The following RIN2 variants were observed in gnomAD, a reference collection of about 807,000 sequenced individuals.
RIN2 encodes the protein RAB5 interacting protein 2.
A neutral mutation model predicts 78.0 loss-of-function variants in RIN2; 36 were observed. The observed-to-expected ratio is 0.46, with a 90% confidence interval of 0.35 to 0.61. The LOEUF is 0.61. Ranked by LOEUF, RIN2 falls within the 20% of genes least tolerant of loss-of-function variation. The pLI, the probability that RIN2 is intolerant of heterozygous loss-of-function variation, is 0.00. For missense variants in RIN2, 1,087 were observed against 1,159.7 expected, an observed-to-expected ratio of 0.94 and a Z score of 0.91; for synonymous variants, 466 against 466.8, an observed-to-expected ratio of 1.00 and a Z score of 0.02.
In RIN2 at chr20:19,960,675, C is replaced by T. The variant is rs762275270; in HGVS notation, c.352-25C>T. The T allele has an allele frequency of 2.0e-6, 3 of 1,485,542 alleles. No individual in the cohort carries two copies. The Admixed American group carries it at 5.8e-5, about 29-fold the overall frequency. 92.0% of individuals were successfully genotyped at this position (1,485,542 alleles called of 1,614,324 possible). ...CCAACATTCTAGATATTTCCTAAAGCTTGTATTTCTTTTCCCTCCACTAGA... is the reference window on the plus strand; with the variant it reads ...CCAACATTCTAGATATTTCCTAAAGTTTGTATTTCTTTTCCCTCCACTAGA... On this transcript the variant is annotated intron_variant, in intron 5 of 12. Transcript: ENST00000255006.
intron 9 of RIN2, among the ~76,000 whole-genome samples, chr20:19,983,446 A>T (rs1568703600): frequency 6.6e-6 from 1 of 152,200 alleles, no homozygotes; most frequent in African/African-American, 2.4e-5. Flanking sequence ...TTAATGAGGT[A>T]ATACATATAA....
chr20:19,926,442 G>A (rs888377890), intron 3 of RIN2, among the ~76,000 whole-genome samples: 1 of 151,954 alleles, frequency 6.6e-6, no homozygotes, highest in Non-Finnish European at 1.5e-5. Context: ...TTGTTTTCCA[G>A]GTGACAGTTC....
intron 1 of RIN2, among the ~76,000 whole-genome samples, chr20:19,791,609 G>A (rs918716924): frequency 1.3e-5 from 2 of 152,200 alleles, no homozygotes; most frequent in African/African-American, 4.8e-5. Context: ...TCATTTTAAA[G>A]TAATCTAAAT....
intron 1 of RIN2, among the ~76,000 whole-genome samples, chr20:19,787,928 T>A (rs1366093782): frequency 1.3e-5 from 2 of 152,204 alleles, no homozygotes; most frequent in Admixed American, 1.3e-4. Flanking sequence ...GATGGTCTTT[T>A]CCAAATAGAG....
chr20:19,794,144 A>G (rs953859136), intron 1 of RIN2, among the ~76,000 whole-genome samples: 1 of 152,218 alleles, frequency 6.6e-6, no homozygotes, highest in Non-Finnish European at 1.5e-5. Flanking sequence ...TAATGCATCT[A>G]TAGTCAACAT....
intron 9 of RIN2, among the ~76,000 whole-genome samples, chr20:19,979,884 A>T (rs1387549987): frequency 1.3e-5 from 2 of 151,896 alleles, no homozygotes; most frequent in Middle Eastern, 3.2e-3. Flanking sequence ...CTCTACTAAA[A>T]ATACAAAAAA....
chr20:19,869,781 T>G (rs1306711225), intron 2 of RIN2, among the ~76,000 whole-genome samples: 1 of 149,486 alleles, frequency 6.7e-6, no homozygotes, highest in African/African-American at 2.5e-5. Flanking sequence ...TGCACCACCA[T>G]GCCTGGCTAA....
chr20:19,903,835 G>A (rs1233494826), intron 3 of RIN2, among the ~76,000 whole-genome samples: 1 of 152,206 alleles, frequency 6.6e-6, no homozygotes, highest in Non-Finnish European at 1.5e-5. Context: ...CAAGAAGACT[G>A]TGATCATGTA....
At chr20:19,923,217 A>ATG (rs1362985867) in intron 3 of RIN2, among the ~76,000 whole-genome samples, 3 of 151,936 alleles carry the variant, frequency 2.0e-5, no homozygotes, top group African/African-American at 7.3e-5. Flanking sequence ...GGAGTTCGAG[A>ATG]CCAGCCTGGC....
Position 19,800,467 on chromosome 20 carries a change from G to A in RIN2, c.-37+720G>A, listed in dbSNP as rs145496389. ...ATAAAGAATGTGGCAAAGTGATGTC[G>A]AGTGACATCAAAGTCTTGATTAGCA... On this transcript the variant is annotated intron_variant, in intron 2 of 12. Coordinates refer to ENST00000255006, the MANE Select transcript of RIN2 (RefSeq NM_018993.4). 3.1e-3 allele frequency among the ~76,000 whole-genome samples: 465 copies of A among 152,276 alleles called. 5 individuals are homozygous for A. The highest frequency in any genetic ancestry group is 0.011 in the African/African-American group (445 of 41,552).
chr20:19,825,634 G>A (rs2036066883), intron 2 of RIN2, among the ~76,000 whole-genome samples: 1 of 152,178 alleles, frequency 6.6e-6, no homozygotes, highest in Non-Finnish European at 1.5e-5. Flanking sequence ...GAAGGTTGAG[G>A]ACACTCAGAA....
chr20:19,900,945 CAAAAAAAAAAAA>C (rs869239642), intron 3 of RIN2, among the ~76,000 whole-genome samples: 21 of 29,572 alleles, frequency 7.1e-4, no homozygotes, highest in African/African-American at 1.4e-3. Context: ...AGCTCTGTCT[CAAAAAAAAAAAA>C]AAAAAAAAAA....
chr20:19,857,594 C>A (rs1408316594), intron 2 of RIN2, among the ~76,000 whole-genome samples: 2 of 152,144 alleles, frequency 1.3e-5, no homozygotes, highest in Non-Finnish European at 2.9e-5. Context: ...CCCACCAACA[C>A]CATATGAGAG....
intron 3 of RIN2, among the ~76,000 whole-genome samples, chr20:19,932,412 G>A (rs1056860413): frequency 6.6e-6 from 1 of 152,204 alleles, no homozygotes; most frequent in Non-Finnish European, 1.5e-5. Flanking sequence ...AACAGAGAAA[G>A]ACAAGGGGGA....
chr20:19,834,487 C>A (rs116959945), intron 2 of RIN2, among the ~76,000 whole-genome samples: 8,232 of 152,214 alleles, frequency 0.054, 286 homozygotes, highest in South Asian at 0.16. Flanking sequence ...GCTGCAACCT[C>A]CCACCCAGTG....
At chr20:19,828,680 G>A (rs527830555) in intron 2 of RIN2, among the ~76,000 whole-genome samples, 35 of 152,192 alleles carry the variant, frequency 2.3e-4, no homozygotes, top group African/African-American at 8.4e-4. Context: ...CTCTCCAAAA[G>A]AAAAGAAAAA....
intron 11 of RIN2, among the ~76,000 whole-genome samples, chr20:19,993,853 G>A (rs1186518085): frequency 6.6e-6 from 1 of 152,042 alleles, no homozygotes; most frequent in African/African-American, 2.4e-5. Context: ...ATTCTTTTTC[G>A]AGCTTCGATC....
intron 4 of RIN2, among the ~76,000 whole-genome samples, chr20:19,937,460 A>T (rs1332842303): frequency 2.6e-5 from 4 of 152,162 alleles, no homozygotes; most frequent in Admixed American, 1.3e-4. Context: ...GGAGTCGCCT[A>T]TCCCACCACA....
intron 8 of RIN2, among the ~76,000 whole-genome samples, chr20:19,972,458 C>T (rs1334442636): frequency 1.3e-5 from 2 of 152,104 alleles, no homozygotes; most frequent in African/African-American, 4.8e-5. Context: ...TAACCAGAAG[C>T]GACTGAGGGC....
Sources: allele counts gnomAD v4.1 joint callset (sites outside exome capture counted in the v4.1 genomes callset), GRCh38; gene constraint gnomAD v4.1.1; transcripts MANE v1.5; gene names NCBI Gene and HGNC (gene_info 2026-07-23, HGNC 2026-07-21).